Variants in CLPTM1 observed in about 807,000 individuals in gnomAD.
The protein encoded by CLPTM1 is CLPTM1 regulator of GABA type A receptor forward trafficking, also known as putative lipid scramblase CLPTM1.
A neutral mutation model predicts 77.3 loss-of-function variants in CLPTM1; 21 were observed. That is an observed-to-expected ratio of 0.27 (90% CI 0.19 to 0.39). The LOEUF (loss-of-function observed/expected upper bound fraction) is 0.39, where lower values mean the gene tolerates loss of function less well. Among genes scored for constraint, CLPTM1 ranks in the 10% least tolerant of loss-of-function variants. The pLI, the probability that CLPTM1 is intolerant of heterozygous loss-of-function variation, is 1.00. For missense variants in CLPTM1, 642 were observed against 921.2 expected (o/e 0.70, Z 3.92); for synonymous variants, 373 against 381.0 (o/e 0.98, Z 0.24).
intron 7 of CLPTM1, chr19:44,986,847 C>T (rs1242141447): frequency 3.7e-6 from 2 of 534,000 alleles, no homozygotes; most frequent in African/African-American, 1.9e-5. Flanking sequence ...TGTCTTATCA[C>T]TTGCCAGCTT....
intron 4 of CLPTM1, among the ~76,000 whole-genome samples, chr19:44,976,043 T>G (rs961618406): frequency 6.6e-6 from 1 of 152,002 alleles, no homozygotes; most frequent in African/African-American, 2.4e-5. Flanking sequence ...TTTGTAGAGA[T>G]GGGGTCTCAA....
In CLPTM1 at chr19:44,992,703, A is replaced by G. The variant is rs1971097171; in HGVS notation, c.1816A>G (p.Thr606Ala). 2.5e-6 allele frequency: 4 copies of G among 1,613,624 alleles called. No homozygotes were observed. Among genetic ancestry groups the G allele is most frequent in the Non-Finnish European group, 3.4e-6 (4 of 1,179,828 alleles). ...NEFGMSGEDP[T>A]AAAPVAEVPT... Reference sequence around the variant, plus strand: ...GTTTGGCATGAGTGGAGAAGACCCCACAGCTGCCGCCCCCGTGGCCGAGGT... The same window carrying G: ...GTTTGGCATGAGTGGAGAAGACCCCGCAGCTGCCGCCCCCGTGGCCGAGGT... The change falls in exon 14 of 14, where the codon ACA (threonine) becomes GCA (alanine). Residue 606 changes from threonine (T) to alanine (A), a missense_variant. By Grantham distance (58) the Thr-to-Ala change is moderately conservative (BLOSUM62 0). Around this residue, in one of 2 missense-constraint regions of CLPTM1, gnomAD observed 521 missense variants for 800.4 expected, o/e 0.65. Transcript: ENST00000337392. This position sits in a 1 kb window ranked among gnomAD's most constrained non-coding sequence, Gnocchi z 7.7.
In CLPTM1 at chr19:44,988,136, C is replaced by T. The variant is rs142558080; in HGVS notation, c.1095C>T (p.Ile365=). ...TGGCGCTCACCATCATCGTGTCTAT[C>T]GTTCACAGTGTCTTCGAGTTCCTGG... is the stretch of plus-strand genomic sequence containing the variant. ...YLLALTIIVS[I]VHSVFEFLAF... Residue 365 remains isoleucine (I), a synonymous_variant, in exon 9 of 14, where the codon ATC becomes ATT. Transcript: ENST00000337392. 689 of 1,614,130 alleles carry T rather than the reference C, an allele frequency of 4.3e-4. 2 individuals are homozygous for T. Among genetic ancestry groups the T allele is most frequent in the Non-Finnish European group, 1.8e-4 (218 of 1,179,964 alleles).
Position 44,992,118 on chromosome 19 carries a change from TG to T in CLPTM1, c.1556-113del. 9.5e-7 allele frequency: 1 copy of T among 1,054,630 alleles called. No individual in the cohort carries two copies. Among genetic ancestry groups the T allele is most frequent in the Non-Finnish European group, 1.4e-6 (1 of 713,084 alleles). The allele number at this position is 1,054,630 out of a possible 1,614,324, so 65.3% of individuals were successfully genotyped here. On this transcript the variant is annotated intron_variant, in intron 12 of 13. Coordinates refer to ENST00000337392, the MANE Select transcript of CLPTM1 (RefSeq NM_001294.4). This position sits in a 1 kb window ranked among gnomAD's most constrained non-coding sequence, Gnocchi z 7.7. ...GTAGAGTGTGCCCAGGTATAGGAAG[TG>T]GTAGAGTGTGCCCAGGTGTAGGAAG...
chr19:44,958,828 T>A (rs558457919), intron 1 of CLPTM1, among the ~76,000 whole-genome samples: 86 of 152,368 alleles, frequency 5.6e-4, no homozygotes, highest in African/African-American at 1.0e-3. Context: ...CAGTCTCTGC[T>A]GCTCCCAATC....
At chr19:44,974,689 G>A in intron 4 of CLPTM1, 92 bp downstream of exon 4, 13 of 1,463,568 alleles carry the variant, frequency 8.9e-6, no homozygotes, top group Non-Finnish European at 1.2e-5. Context: ...AGAGCATGTG[G>A]AGTTTGGGCT....
intron 2 of CLPTM1, among the ~76,000 whole-genome samples, chr19:44,962,332 A>G (rs749794516): frequency 9.2e-5 from 14 of 152,156 alleles, no homozygotes; most frequent in Non-Finnish European, 1.9e-4. Context: ...TAAAAACACA[A>G]AAAATACTGA....
chr19:44,988,245 C>T, intron 9 of CLPTM1, 72 bp downstream of exon 9: 2 of 1,078,410 alleles, frequency 1.9e-6, no homozygotes, highest in South Asian at 2.5e-5. Flanking sequence ...CTTCCTCCTC[C>T]CCTCCCTCCC....
chr19:44,985,560 C>T (rs1479101075), intron 6 of CLPTM1, among the ~76,000 whole-genome samples: 1 of 152,180 alleles, frequency 6.6e-6, no homozygotes, highest in African/African-American at 2.4e-5. Context: ...ACATCACAGT[C>T]CCATTGTCAC....
chr19:44,970,156 G>T (rs534779260), intron 2 of CLPTM1, among the ~76,000 whole-genome samples: 2 of 147,536 alleles, frequency 1.4e-5, no homozygotes, highest in South Asian at 4.3e-4. Context: ...CTTCTGCCTG[G>T]GGGCATTACC....
chr19:44,985,304 G>GTA lies in CLPTM1; in HGVS notation c.672+2_672+3dup. On this transcript the variant is annotated splice_donor_variant, in intron 6 of 13. Transcript: ENST00000337392. LOFTEE classifies it high-confidence loss of function. ...AGAAGCGGACCCAGAAATGATCAAGGTAAATGGGCAGGGTTGTCAGGGCCT... is the reference window on the plus strand; with the variant it reads ...AGAAGCGGACCCAGAAATGATCAAGGTATAAATGGGCAGGGTTGTCAGGGCCT... The GTA allele has an allele frequency of 3.1e-6, 5 of 1,609,244 alleles. No homozygotes were observed. Among genetic ancestry groups the GTA allele is most frequent in the Non-Finnish European group, 3.4e-6 (4 of 1,175,804 alleles).
rs1382086891 is a variant in CLPTM1, at chr19:44,955,465, C to T, written c.70C>T (p.Gln24Ter). Residue 24 changes from glutamine (Q) to a stop codon, truncating the protein, a stop_gained and splice_region_variant, in exon 1 of 14, where the codon CAG becomes TAG. Transcript: ENST00000337392. LOFTEE classifies it high-confidence loss of function. ...GGCGGCCGGGGGAGGCAGCTCCGGT[C>T]AGGTACGGAGGCCGAGAGGGGACTG... ...VVAAGGGSSGQVTSNGSIGRD... is the reference protein window; with the variant it reads ...VVAAGGGSSG 7.6e-7 allele frequency: 1 copy of T among 1,324,314 alleles called. No individual in the cohort carries two copies. The highest frequency in any genetic ancestry group is 1.5e-5 in the African/African-American group (1 of 64,696). 82.0% of individuals were successfully genotyped at this position (1,324,314 alleles called of 1,614,324 possible).
chr19:44,956,377 CA>C (rs1970464240), intron 1 of CLPTM1, among the ~76,000 whole-genome samples: 1 of 152,148 alleles, frequency 6.6e-6, no homozygotes, highest in South Asian at 2.1e-4. Context: ...TCCCTGCTGT[CA>C]GGGGACGAAG....
intron 4 of CLPTM1, 97 bp downstream of exon 4, chr19:44,974,694 T>C (rs204479): frequency 0.95 from 1,353,083 of 1,425,772 alleles, 642,712 homozygotes; most frequent in Non-Finnish European, 0.96. Context: ...ATGTGGAGTT[T>C]GGGCTCCAGG....
At chr19:44,960,883 CTG>C (rs10560900) in intron 1 of CLPTM1, among the ~76,000 whole-genome samples, 1,931 of 152,274 alleles carry the variant, frequency 0.013, 39 homozygotes, top group African/African-American at 0.041. Context: ...CTCTTGAAGG[CTG>C]ATGGCTGAGG....
chr19:44,981,301 C>A (rs1430542585), intron 5 of CLPTM1, among the ~76,000 whole-genome samples: 1 of 152,076 alleles, frequency 6.6e-6, no homozygotes, highest in Non-Finnish European at 1.5e-5. Flanking sequence ...GTCACCACGC[C>A]CAGCTAATTT....
chr19:44,977,246 G>A (rs1176746333), intron 4 of CLPTM1, 97 bp from the exon 5 acceptor site: 4 of 875,330 alleles, frequency 4.6e-6, no homozygotes, highest in Non-Finnish European at 7.5e-6. Context: ...GAGAGTTGAG[G>A]GGGAGGAAAC....
In CLPTM1 at chr19:44,961,958, C is replaced by T. The variant is rs768475727; in HGVS notation, c.73-5C>T. On this transcript the variant is annotated splice_polypyrimidine_tract_variant and splice_region_variant and intron_variant, in intron 1 of 13. Transcript: ENST00000337392. ...CCTCCTTACCCTGGCCTCTGTCCCC[C>T]ACAGGTGACCAGCAATGGCAGCATC... 5 of 1,596,926 alleles carry T rather than the reference C, an allele frequency of 3.1e-6. No individual in the cohort carries two copies. The highest frequency in any genetic ancestry group is 1.7e-6 in the Non-Finnish European group (2 of 1,172,582).
intron 6 of CLPTM1, among the ~76,000 whole-genome samples, chr19:44,986,185 CAAAAAAGAGAAAA>C (rs1289944193): frequency 6.6e-6 from 1 of 150,884 alleles, no homozygotes; most frequent in African/African-American, 2.4e-5. Context: ...CCATCTCTTC[CAAAAAAGAGAAAA>C]AAGAAAGAAA....
Sources: gnomAD v4.1 joint callset for allele counts (sites outside exome capture counted in the v4.1 genomes callset) on GRCh38, gnomAD v4.1.1 for gene constraint, gnomAD v4.1.1 regional missense constraint, Gnocchi (gnomAD v3.1) non-coding constraint, MANE v1.5 for transcripts, NCBI Gene and HGNC (gene_info 2026-07-23, HGNC 2026-07-21) for gene names.